LRP1B: variants seen among roughly 807,000 people sequenced by gnomAD.
The protein encoded by LRP1B is LDL receptor related protein 1B, also known as low-density lipoprotein receptor-related protein 1B.
A neutral mutation model predicts 556.6 loss-of-function variants in LRP1B; 217 were observed. The observed-to-expected ratio is 0.39, with a 90% CI of 0.35 to 0.44. LRP1B has a LOEUF of 0.44. Ranked by LOEUF, LRP1B falls within the 20% of genes least tolerant of loss-of-function variation. The pLI, the probability that LRP1B is intolerant of heterozygous loss-of-function variation, is 1.00. For synonymous variants in LRP1B, 2,047 were observed against 1,865.8 expected (o/e 1.10, Z -2.50); for missense variants, 5,053 against 5,620.8 (o/e 0.90, Z 3.23).
rs1478827302 is a variant in LRP1B, at chr2:141,544,405, C to CCTT, written c.206-63873_206-63872insAAG. Among the ~76,000 whole-genome samples, 1,086 of 65,924 alleles carry CCTT rather than the reference C, an allele frequency of 0.016. 81 individuals carry two copies. In the East Asian group the frequency reaches 0.19, roughly 12 times the overall value. 43.2% of individuals were successfully genotyped at this position (65,924 alleles called of 152,430 possible). Reference sequence around the variant, plus strand: ...TTCTCCTCCTCCTCCTCCTCCTCCTCCTCCTCCTTCTCCTCCTTCTCCTCC... The same window carrying CCTT: ...TTCTCCTCCTCCTCCTCCTCCTCCTCCTTCTCCTCCTTCTCCTCCTTCTCCTCC... On this transcript the variant is annotated intron_variant, in intron 2 of 90. Coordinates refer to ENST00000389484, the MANE Select transcript of LRP1B (RefSeq NM_018557.3).
At chr2:141,367,471 CTTTTTTTTT>C (rs1169568111) in intron 3 of LRP1B, among the ~76,000 whole-genome samples, 11 of 44,942 alleles carry the variant, frequency 2.4e-4, no homozygotes, top group African/African-American at 3.8e-4. Flanking sequence ...ATTTGAAATG[CTTTTTTTTT>C]TTTTTTTTTT....
intron 1 of LRP1B, among the ~76,000 whole-genome samples, chr2:141,951,790 A>G (rs1485483896): frequency 6.6e-6 from 1 of 152,108 alleles, no homozygotes; most frequent in African/African-American, 2.4e-5. Context: ...AAACTTAAAA[A>G]CTAGATGAGC....
intron 3 of LRP1B, among the ~76,000 whole-genome samples, chr2:141,427,777 A>G (rs1279637476): frequency 6.6e-6 from 1 of 152,200 alleles, no homozygotes; most frequent in Non-Finnish European, 1.5e-5. Context: ...TTTCTTTAAA[A>G]TAAATGGCTG....
chr2:140,428,177 A>C (rs2105277972), intron 66 of LRP1B, among the ~76,000 whole-genome samples: 1 of 152,320 alleles, frequency 6.6e-6, no homozygotes, highest in Middle Eastern at 3.4e-3. Context: ...CATTAAATAA[A>C]ACTCCAAAAA....
intron 60 of LRP1B, among the ~76,000 whole-genome samples, chr2:140,463,840 T>C (rs1255280430): frequency 1.3e-5 from 2 of 152,264 alleles, no homozygotes; most frequent in East Asian, 3.9e-4. Context: ...GTGTCTCTCC[T>C]TAGTATAGTA....
intron 43 of LRP1B, among the ~76,000 whole-genome samples, chr2:140,572,142 T>C (rs1379142485): frequency 1.3e-5 from 2 of 151,358 alleles, no homozygotes; most frequent in Non-Finnish European, 3.0e-5. Flanking sequence ...AAATAGACAA[T>C]TGGGATTATA....
In LRP1B at chr2:140,701,773, G is replaced by A. The variant is rs1410153727; in HGVS notation, c.6375C>T (p.Gly2125=). Residue 2125 remains glycine (G), a synonymous_variant, in exon 40 of 91, where the codon GGC becomes GGT. Transcript: ENST00000389484. ...DATETITMRT[G]LGVNLKEVKI... The stretch of plus-strand genomic sequence containing the variant: ...TAACCTCCTTCAGGTTGACTCCAAG[G>A]CCGGTTCTCATGGTTATCGTTTCTG... 8.1e-6 allele frequency: 13 copies of A among 1,612,878 alleles called. No homozygotes were observed. The African/African-American group carries it at 1.3e-4, about 17-fold the overall frequency.
At chr2:140,732,433 C>T (rs1559083228) in intron 35 of LRP1B, among the ~76,000 whole-genome samples, 1 of 152,070 alleles carries the variant, frequency 6.6e-6, no homozygotes, top group Non-Finnish European at 1.5e-5. Context: ...TGATGTTTCA[C>T]TTACAGTGTT....
At chr2:140,323,537 G>A (rs538112169) in intron 81 of LRP1B, among the ~76,000 whole-genome samples, 77 of 151,904 alleles carry the variant, frequency 5.1e-4, no homozygotes, top group African/African-American at 1.4e-3. Context: ...ACACCAACAT[G>A]GCACATGTAT....
chr2:141,627,514 T>C (rs1481824898), intron 2 of LRP1B, among the ~76,000 whole-genome samples: 5 of 152,136 alleles, frequency 3.3e-5, no homozygotes, highest in Non-Finnish European at 7.4e-5. Flanking sequence ...ACTGCCTGAG[T>C]TCCACCTCCT....
chr2:140,299,005 T>A (rs1558781809), intron 83 of LRP1B, among the ~76,000 whole-genome samples: 1 of 152,142 alleles, frequency 6.6e-6, no homozygotes, highest in African/African-American at 2.4e-5. Flanking sequence ...TATCACTCAG[T>A]TGACTAGCAG....
At chr2:141,023,265 CCA>C (rs1698118296) in intron 11 of LRP1B, among the ~76,000 whole-genome samples, 1 of 151,608 alleles carries the variant, frequency 6.6e-6, no homozygotes, top group Non-Finnish European at 1.5e-5. Flanking sequence ...CATTAAACAC[CCA>C]CACACTCACA....
intron 1 of LRP1B, among the ~76,000 whole-genome samples, chr2:141,940,712 A>G (rs573376178): frequency 6.6e-6 from 1 of 152,196 alleles, no homozygotes; most frequent in African/African-American, 2.4e-5. Context: ...GATTCAGTTC[A>G]TCACTGGGAA....
At chr2:141,028,188 C>A (rs574259951) in intron 11 of LRP1B, among the ~76,000 whole-genome samples, 1 of 151,582 alleles carries the variant, frequency 6.6e-6, no homozygotes, top group Non-Finnish European at 1.5e-5. Context: ...TGTAGCATTA[C>A]CTGTAAAAAT....
intron 3 of LRP1B, among the ~76,000 whole-genome samples, chr2:141,430,070 A>G (rs1680508806): frequency 6.6e-6 from 1 of 152,150 alleles, no homozygotes; most frequent in African/African-American, 2.4e-5. Context: ...GTATAAGTCA[A>G]CTCTCACTAA....
chr2:140,604,741 T>C (rs193257627), intron 41 of LRP1B, among the ~76,000 whole-genome samples: 2 of 152,274 alleles, frequency 1.3e-5, no homozygotes, highest in East Asian at 3.9e-4. Context: ...TCTTGAATTG[T>C]AGCTCCCATA....
intron 6 of LRP1B, among the ~76,000 whole-genome samples, chr2:141,222,468 C>A (rs1440974926): frequency 6.6e-6 from 1 of 152,162 alleles, no homozygotes; most frequent in Non-Finnish European, 1.5e-5. Context: ...GAGCTGGTAC[C>A]ATTTCTTCTG....
At chr2:141,823,952 G>T (rs1329309917) in intron 1 of LRP1B, among the ~76,000 whole-genome samples, 1 of 152,128 alleles carries the variant, frequency 6.6e-6, no homozygotes, top group African/African-American at 2.4e-5. Context: ...GTGATTACAG[G>T]TGTGAGCCAC....
intron 11 of LRP1B, among the ~76,000 whole-genome samples, chr2:141,023,491 T>C (rs1698125304): frequency 6.6e-6 from 1 of 151,970 alleles, no homozygotes; most frequent in African/African-American, 2.4e-5. Flanking sequence ...TGTAATACTT[T>C]AGACTAGACC....
Sources: gnomAD v4.1 joint callset for allele counts (sites outside exome capture counted in the v4.1 genomes callset) on GRCh38, gnomAD v4.1.1 for gene constraint, MANE v1.5 for transcripts, NCBI Gene and HGNC (gene_info 2026-07-23, HGNC 2026-07-21) for gene names.